FER1L5: variants seen among roughly 807,000 people sequenced by gnomAD.
FER1L5 encodes fer-1 like family member 5, also known as fer-1-like protein 5.
In FER1L5, 187 loss-of-function variants were observed where a neutral mutation model predicts 279.9. The ratio of observed to expected loss-of-function variants is 0.67; its 90% CI spans 0.59 to 0.75. FER1L5 has a LOEUF of 0.75. FER1L5 is among the 30% of genes least tolerant of loss of function. The pLI is 0.00. For synonymous variants in FER1L5, 921 were observed against 989.7 expected, an observed-to-expected ratio of 0.93 and a Z score of 1.30; for missense variants, 2,091 against 2,594.4, an observed-to-expected ratio of 0.81 and a Z score of 4.21.
rs1208067431 is a variant in FER1L5 at position 96,653,630 on chromosome 2, T to G, written c.634-10T>G. Reference sequence around the variant, plus strand: ...AATCATCCACTCTACCCCAATTCTCTTTGCCTCAGATCTTCTTCCAGAATT... The same window carrying G: ...AATCATCCACTCTACCCCAATTCTCGTTGCCTCAGATCTTCTTCCAGAATT... On this transcript the variant is annotated splice_polypyrimidine_tract_variant and intron_variant, in intron 7 of 52. Transcript: ENST00000624922. 1.6e-5 allele frequency: 25 copies of G among 1,550,104 alleles called. No homozygotes were observed. The highest frequency in any genetic ancestry group is 1.1e-5 in the Non-Finnish European group (13 of 1,145,688).
chr2:96,682,123 G>T (rs2076752789), intron 19 of FER1L5, among the ~76,000 whole-genome samples: 1 of 151,088 alleles, frequency 6.6e-6, no homozygotes, highest in East Asian at 2.0e-4. Flanking sequence ...GTCTGGCTCT[G>T]TTGCCCAGGC....
At chr2:96,700,103 A>C (rs1392724253) in intron 44 of FER1L5, 23 bp downstream of exon 44, 26 of 1,613,108 alleles carry the variant, frequency 1.6e-5, no homozygotes, top group African/African-American at 2.7e-5. Context: ...GAACACTAGC[A>C]GAAAGCACAG....
intron 1 of FER1L5, among the ~76,000 whole-genome samples, chr2:96,644,643 C>T (rs1485292051): frequency 6.6e-6 from 1 of 152,136 alleles, no homozygotes; most frequent in Non-Finnish European, 1.5e-5. Flanking sequence ...AAAGAGGACA[C>T]AGTAGTTCCT....
intron 5 of FER1L5, 135 bp from the exon 6 acceptor site, chr2:96,650,045 T>C (rs1297884668): frequency 2.9e-6 from 2 of 691,652 alleles, no homozygotes; most frequent in Non-Finnish European, 5.1e-6. Flanking sequence ...GGAGGACATA[T>C]GTCACTGTTG....
At chr2:96,696,636 C>T (rs2077391370) in intron 37 of FER1L5, among the ~76,000 whole-genome samples, 1 of 151,806 alleles carries the variant, frequency 6.6e-6, no homozygotes, top group African/African-American at 2.4e-5. Flanking sequence ...TGCAGTGGCT[C>T]ACATCTGTAA....
At chr2:96,669,883 G>A (rs539331333) in intron 17 of FER1L5, among the ~76,000 whole-genome samples, 1 of 152,302 alleles carries the variant, frequency 6.6e-6, no homozygotes, top group Middle Eastern at 3.4e-3. Context: ...CCTGAAGCAT[G>A]GTGGGAGCAC....
chr2:96,663,571 T>C, intron 14 of FER1L5, 64 bp downstream of exon 14: 3 of 1,528,608 alleles, frequency 2.0e-6, no homozygotes, highest in South Asian at 1.2e-5. Context: ...GAAGTTTGGA[T>C]GATTGTGTGG....
intron 13 of FER1L5, among the ~76,000 whole-genome samples, 198 bp downstream of exon 13, chr2:96,662,465 A>G (rs1026190534): frequency 3.3e-5 from 5 of 151,978 alleles, no homozygotes; most frequent in African/African-American, 1.2e-4. Context: ...CCCCCCAAAA[A>G]CCAAATACAC....
chr2:96,693,405 C>G, intron 31 of FER1L5, 101 bp from the exon 32 acceptor site: 2 of 1,260,546 alleles, frequency 1.6e-6, no homozygotes, highest in South Asian at 3.3e-5. Flanking sequence ...CCCTGCCTGA[C>G]CCTCCTGGGC....
chr2:96,702,882 T>C lies in FER1L5; in HGVS notation c.5398-96T>C. On this transcript the variant is annotated intron_variant, in intron 48 of 52. Transcript: ENST00000624922. This position sits in a 1 kb window ranked among gnomAD's most constrained non-coding sequence, Gnocchi z 4.0. ...GTCCTCAGGTGGAAACCCTCTTCCT[T>C]GATAGTCTATCACTGCTGGGTGGAG... 6.5e-7 allele frequency: 1 copy of C among 1,530,892 alleles called. No homozygotes were observed. Among genetic ancestry groups the C allele is most frequent in the Non-Finnish European group, 8.8e-7 (1 of 1,130,220 alleles). 94.8% of individuals were successfully genotyped at this position (1,530,892 alleles called of 1,614,324 possible). A position where few individuals can be genotyped will look rare whatever the true frequency, so the allele number is the denominator to read the frequency against.
At chr2:96,679,283 G>T (rs2076627210) in intron 19 of FER1L5, among the ~76,000 whole-genome samples, 1 of 151,918 alleles carries the variant, frequency 6.6e-6, no homozygotes, top group African/African-American at 2.4e-5. Flanking sequence ...GAGTGCAGTG[G>T]CACAATCTCG....
At chr2:96,663,009 T>C (rs1261632008) in intron 13 of FER1L5, among the ~76,000 whole-genome samples, 1 of 152,242 alleles carries the variant, frequency 6.6e-6, no homozygotes, top group Non-Finnish European at 1.5e-5. Context: ...CAAGTAACAC[T>C]TGATTCCACA....
In FER1L5 at chr2:96,704,614, C is replaced by T; in HGVS notation, c.6096C>T (p.Asp2032=). 1.9e-6 allele frequency: 3 copies of T among 1,613,996 alleles called. No homozygotes were observed. The highest frequency in any genetic ancestry group is 2.5e-6 in the Non-Finnish European group (3 of 1,179,892). ...TQDPNLKPTI[D]HEWKLHPGPT... Reference sequence around the variant, plus strand: ...ATCCAAACCTAAAGCCTACAATAGACCATGAGTGGAAACTCCACCCAGGAC... The same window carrying T: ...ATCCAAACCTAAAGCCTACAATAGATCATGAGTGGAAACTCCACCCAGGAC... The change falls in exon 53 of 53, where the codon GAC becomes GAT. Residue 2032 remains aspartate (D), a synonymous_variant. Transcript: ENST00000624922.
intron 10 of FER1L5, 33 bp from the exon 11 acceptor site, chr2:96,661,292 G>T: frequency 7.0e-7 from 1 of 1,436,548 alleles, no homozygotes; most frequent in Non-Finnish European, 9.4e-7. Flanking sequence ...GGAGGCTGCA[G>T]GCAGATCTCC....
intron 9 of FER1L5, among the ~76,000 whole-genome samples, chr2:96,657,894 A>G (rs1465195037): frequency 6.6e-6 from 1 of 152,138 alleles, no homozygotes; most frequent in African/African-American, 2.4e-5. Flanking sequence ...TGAGGCTGCT[A>G]TATTGGGGCC....
intron 4 of FER1L5, 129 bp from the exon 5 acceptor site, chr2:96,649,494 T>A (rs1558837455): frequency 1.2e-6 from 1 of 801,414 alleles, no homozygotes; most frequent in Non-Finnish European, 2.1e-6. Context: ...TGTGGCCCCA[T>A]CCCATGACTA....
intron 31 of FER1L5, among the ~76,000 whole-genome samples, chr2:96,692,830 C>T (rs1006409149): frequency 2.6e-5 from 4 of 152,062 alleles, no homozygotes; most frequent in Non-Finnish European, 4.4e-5. Context: ...CCACCCACAT[C>T]GAGAGGCCCA....
intron 8 of FER1L5, chr2:96,654,224 T>C (rs2075500912): frequency 5.4e-6 from 2 of 370,514 alleles, no homozygotes; most frequent in Non-Finnish European, 4.8e-6. Context: ...GAAATTGACC[T>C]CTCTGATCAA....
At chr2:96,667,015 C>T (rs1268708369) in intron 14 of FER1L5, among the ~76,000 whole-genome samples, 1 of 152,138 alleles carries the variant, frequency 6.6e-6, no homozygotes, top group African/African-American at 2.4e-5. Flanking sequence ...AGATGGGACA[C>T]AGAAGCTTGG....
Sources: gnomAD v4.1 joint callset for allele counts (sites outside exome capture counted in the v4.1 genomes callset) on GRCh38, gnomAD v4.1.1 for gene constraint, Gnocchi (gnomAD v3.1) non-coding constraint, MANE v1.5 for transcripts, NCBI Gene and HGNC (gene_info 2026-07-23, HGNC 2026-07-21) for gene names.